The following TNFRSF19 variants were observed in gnomAD, a reference collection of about 807,000 sequenced individuals.
The protein encoded by TNFRSF19 is TNF receptor superfamily member 19.
Under a neutral mutation model 46.4 loss-of-function variants are expected in TNFRSF19, and 27 were observed. The ratio of observed to expected loss-of-function variants is 0.58; its 90% CI spans 0.43 to 0.80. The LOEUF (loss-of-function observed/expected upper bound fraction) is 0.80, where lower values mean the gene tolerates loss of function less well. Ranked by LOEUF, TNFRSF19 falls within the 30% of genes least tolerant of loss-of-function variation. The probability of loss-of-function intolerance (pLI) is 0.00; values close to 1 mark genes in which losing one functional copy is unlikely to be tolerated. For missense variants in TNFRSF19, 511 were observed against 530.8 expected, an observed-to-expected ratio of 0.96 and a Z score of 0.37; for synonymous variants, 204 against 205.0, an observed-to-expected ratio of 1.00 and a Z score of 0.04.
At chr13:23,594,934 G>T (rs1452274143) in intron 3 of TNFRSF19, among the ~76,000 whole-genome samples, 1 of 152,218 alleles carries the variant, frequency 6.6e-6, no homozygotes, top group Non-Finnish European at 1.5e-5. Context: ...AGCAGTCTTT[G>T]CTGTTCTGCA....
At chr13:23,624,816 T>C (rs557813920) in intron 4 of TNFRSF19, among the ~76,000 whole-genome samples, 15 of 151,944 alleles carry the variant, frequency 9.9e-5, no homozygotes, top group Non-Finnish European at 2.1e-4. Flanking sequence ...AATGGCGCGA[T>C]CTTGGCTCAC....
At chr13:23,608,845 G>A (rs780316838) in intron 3 of TNFRSF19, among the ~76,000 whole-genome samples, 1 of 152,140 alleles carries the variant, frequency 6.6e-6, no homozygotes, top group Non-Finnish European at 1.5e-5. Flanking sequence ...TTGACCTAAC[G>A]CACATGCACT....
chr13:23,641,510 T>A (rs1330079050), intron 5 of TNFRSF19, among the ~76,000 whole-genome samples: 1 of 152,068 alleles, frequency 6.6e-6, no homozygotes, highest in Non-Finnish European at 1.5e-5. Flanking sequence ...TTTGTATTTT[T>A]AGCGGAGATG....
chr13:23,613,221 T>A (rs1370951508), intron 3 of TNFRSF19, among the ~76,000 whole-genome samples: 1 of 152,228 alleles, frequency 6.6e-6, no homozygotes, highest in Non-Finnish European at 1.5e-5. Context: ...TATAATTTGT[T>A]TAGGAAATGT....
rs201580777 is a variant in TNFRSF19, at chr13:23,579,144, GCC to G, written c.-35+8300_-35+8301del. Among the ~76,000 whole-genome samples the G allele has an allele frequency of 4.1e-4, 62 of 152,328 alleles. 1 individual carries two copies. In the East Asian group the frequency reaches 7.4e-3, roughly 18 times the overall value. On this transcript the variant is annotated intron_variant, in intron 1 of 9. Transcript: ENST00000248484. ...GTGGTCTCCGGTCCCCCATCCCCAA[GCC>G]CCCAGTCAGCCTCACACTCATCCGC... is the stretch of plus-strand genomic sequence containing the variant.
At chr13:23,652,298 A>G (rs1215711234) in intron 5 of TNFRSF19, among the ~76,000 whole-genome samples, 1 of 152,192 alleles carries the variant, frequency 6.6e-6, no homozygotes, top group African/African-American at 2.4e-5. Flanking sequence ...TGTCCCCATT[A>G]TCCAGCTCAC....
intron 5 of TNFRSF19, among the ~76,000 whole-genome samples, chr13:23,635,399 G>T (rs1298956530): frequency 2.6e-5 from 4 of 152,090 alleles, no homozygotes; most frequent in Admixed American, 2.6e-4. Flanking sequence ...TATTTTTTGA[G>T]ACAGAGTCTC....
rs116603607 is a variant in TNFRSF19 at position 23,614,953 on chromosome 13, G to A, written c.181-914G>A. Among the ~76,000 whole-genome samples, 1,467 of 152,174 alleles carry A rather than the reference G, an allele frequency of 9.6e-3. 22 individuals are homozygous for A. The highest frequency in any genetic ancestry group is 0.034 in the African/African-American group (1,407 of 41,524). On this transcript the variant is annotated intron_variant, in intron 3 of 9. Coordinates refer to ENST00000248484, the MANE Select transcript of TNFRSF19 (RefSeq NM_148957.4). ...GCAGTGCTGCCCTGATTGGGAAGGAGTATGGATTATTGAGATAATGGTGTA... is the reference window on the plus strand; with the variant it reads ...GCAGTGCTGCCCTGATTGGGAAGGAATATGGATTATTGAGATAATGGTGTA...
chr13:23,668,804 GACA>G lies in TNFRSF19; in HGVS notation c.956_958del (p.Asn319del). On this transcript the variant is annotated inframe_deletion, in exon 9 of 10. Transcript: ENST00000248484. ...TCTGATGCAGAATCCCATGGGTGGT[GACA>G]ACATCTCTTTTTGTGACTCTTATCC... 6.2e-7 allele frequency: 1 copy of G among 1,614,250 alleles called. No individual in the cohort carries two copies.
intron 1 of TNFRSF19, among the ~76,000 whole-genome samples, chr13:23,577,993 G>A (rs1225610951): frequency 6.6e-6 from 1 of 152,144 alleles, no homozygotes; most frequent in Non-Finnish European, 1.5e-5. Context: ...GACAAAGAGA[G>A]GACGATGGGG....
At chr13:23,572,935 T>G (rs1197215836) in intron 1 of TNFRSF19, among the ~76,000 whole-genome samples, 1 of 152,202 alleles carries the variant, frequency 6.6e-6, no homozygotes, top group Non-Finnish European at 1.5e-5. Flanking sequence ...TCAAAAGACT[T>G]TTATGTTGAG....
rs571946253 is a variant in TNFRSF19 at position 23,582,946 on chromosome 13, C to T, written c.-34-7204C>T. ...TAGTATTCCATTGCATGCACCATAA[C>T]TTGTTTATTTCTTGACTTGTTTATG... On this transcript the variant is annotated intron_variant, in intron 1 of 9. Coordinates refer to ENST00000248484, the MANE Select transcript of TNFRSF19 (RefSeq NM_148957.4). Among the ~76,000 whole-genome samples the T allele has an allele frequency of 8.5e-5, 13 of 152,250 alleles. No individual in the cohort carries two copies. In the South Asian group the frequency reaches 2.7e-3, roughly 32 times the overall value.
intron 1 of TNFRSF19, among the ~76,000 whole-genome samples, chr13:23,571,642 A>T (rs529630440): frequency 1.7e-4 from 26 of 152,310 alleles, no homozygotes; most frequent in African/African-American, 6.0e-4. Flanking sequence ...TGAGTAATCA[A>T]CAGTTATTAT....
chr13:23,575,217 G>A (rs1350571933), intron 1 of TNFRSF19, among the ~76,000 whole-genome samples: 1 of 152,188 alleles, frequency 6.6e-6, no homozygotes, highest in Non-Finnish European at 1.5e-5. Context: ...CTCATGAAAA[G>A]GGTCTAGCCA....
intron 5 of TNFRSF19, among the ~76,000 whole-genome samples, chr13:23,649,940 A>T (rs886706574): frequency 1.3e-5 from 2 of 152,102 alleles, no homozygotes; most frequent in Non-Finnish European, 2.9e-5. Context: ...TGTCTTTTCA[A>T]ACTTATGGAC....
intron 5 of TNFRSF19, among the ~76,000 whole-genome samples, chr13:23,642,722 A>G (rs930467725): frequency 2.0e-5 from 3 of 152,246 alleles, no homozygotes; most frequent in Admixed American, 6.5e-5. Flanking sequence ...CCTTTTAGAA[A>G]TTTAAACTAT....
intron 4 of TNFRSF19, among the ~76,000 whole-genome samples, chr13:23,617,316 G>C (rs1241851375): frequency 6.6e-6 from 1 of 152,162 alleles, no homozygotes; most frequent in Non-Finnish European, 1.5e-5. Context: ...TTGTCAATAA[G>C]GCAGCCAGGT....
intron 1 of TNFRSF19, among the ~76,000 whole-genome samples, chr13:23,588,475 AGAC>A (rs1384478928): frequency 6.6e-6 from 1 of 152,184 alleles, no homozygotes; most frequent in Non-Finnish European, 1.5e-5. Context: ...GCATCCCACT[AGAC>A]GATTCTATCC....
At chr13:23,660,039 G>A (rs924745515) in intron 6 of TNFRSF19, among the ~76,000 whole-genome samples, 3 of 152,076 alleles carry the variant, frequency 2.0e-5, no homozygotes, top group African/African-American at 7.3e-5. Context: ...GTGTATAAGT[G>A]ACCTGCGCAG....
Sources: gnomAD v4.1 joint callset for allele counts (sites outside exome capture counted in the v4.1 genomes callset) on GRCh38, gnomAD v4.1.1 for gene constraint, MANE v1.5 for transcripts, NCBI Gene and HGNC (gene_info 2026-07-23, HGNC 2026-07-21) for gene names.